EML5: variants seen among roughly 807,000 people sequenced by gnomAD.
The protein encoded by EML5 is echinoderm microtubule-associated protein-like 5.
EML5 carries 120 observed loss-of-function variants against 250.0 expected under a neutral mutation model. That is an observed-to-expected ratio of 0.48 (90% CI 0.41 to 0.56). The LOEUF (loss-of-function observed/expected upper bound fraction) is 0.56, where lower values mean the gene tolerates loss of function less well. EML5 is among the 20% of genes least tolerant of loss of function. The probability of loss-of-function intolerance (pLI) is 0.00; values close to 1 mark genes in which losing one functional copy is unlikely to be tolerated. For missense variants in EML5, 2,006 were observed against 2,437.6 expected (o/e 0.82, Z 3.73); for synonymous variants, 771 against 806.5 (o/e 0.96, Z 0.75).
At chr14:88,629,967 T>C (rs1484172419) in intron 33 of EML5, among the ~76,000 whole-genome samples, 1 of 152,134 alleles carries the variant, frequency 6.6e-6, no homozygotes, top group Non-Finnish European at 1.5e-5. Flanking sequence ...AATCAAAGTT[T>C]TAAAGGATAT....
intron 31 of EML5, among the ~76,000 whole-genome samples, chr14:88,640,982 T>A (rs938203387): frequency 2.2e-4 from 34 of 151,646 alleles, no homozygotes; most frequent in Non-Finnish European, 2.4e-4. Flanking sequence ...TGTGGGCCTC[T>A]AAAAAAAGAA....
At chr14:88,705,100 G>A in intron 12 of EML5, 122 bp from the exon 13 acceptor site, 1 of 649,770 alleles carries the variant, frequency 1.5e-6, no homozygotes, top group Non-Finnish European at 2.5e-6. Context: ...AGTCTTAAAT[G>A]AAAAGTTAAT....
chr14:88,694,605 G>C (rs2093034138), intron 16 of EML5, among the ~76,000 whole-genome samples, 198 bp from the exon 17 acceptor site: 1 of 152,182 alleles, frequency 6.6e-6, no homozygotes, highest in Non-Finnish European at 1.5e-5. Context: ...TCAAGAGACA[G>C]AAATGGTCAA....
At chr14:88,688,724 A>T (rs767145949) in intron 17 of EML5, among the ~76,000 whole-genome samples, 9 of 152,212 alleles carry the variant, frequency 5.9e-5, no homozygotes, top group African/African-American at 2.2e-4. Flanking sequence ...AGCACTTTTG[A>T]TGATGTTTTT....
At chr14:88,710,281 TTC>T (rs944987390) in intron 10 of EML5, among the ~76,000 whole-genome samples, 1 of 152,238 alleles carries the variant, frequency 6.6e-6, no homozygotes, top group African/African-American at 2.4e-5. Context: ...CATATGATCA[TTC>T]TCTCTTTGAG....
At chr14:88,772,366 A>G (rs1008573089) in intron 1 of EML5, among the ~76,000 whole-genome samples, 1 of 152,136 alleles carries the variant, frequency 6.6e-6, no homozygotes, top group Non-Finnish European at 1.5e-5. Context: ...AATAACATAA[A>G]TCTGATCTCA....
At chr14:88,779,789 C>T (rs1030742041) in intron 1 of EML5, among the ~76,000 whole-genome samples, 1 of 152,102 alleles carries the variant, frequency 6.6e-6, no homozygotes, top group Non-Finnish European at 1.5e-5. Flanking sequence ...GGCTTTGTCA[C>T]AGTTTTGTAA....
At chr14:88,694,455 G>A in intron 16 of EML5, 48 bp from the exon 17 acceptor site, 2 of 1,289,480 alleles carry the variant, frequency 1.6e-6, no homozygotes, top group East Asian at 2.5e-5. Context: ...CATCATTCCT[G>A]TATTAATCTC....
chr14:88,723,255 T>A (rs1027906009), intron 8 of EML5, among the ~76,000 whole-genome samples: 15 of 152,224 alleles, frequency 9.9e-5, no homozygotes, highest in African/African-American at 3.1e-4. Context: ...TCTACAAAAA[T>A]TTTAAAAAAT....
chr14:88,709,874 C>G (rs970366999), intron 10 of EML5, among the ~76,000 whole-genome samples: 2 of 152,172 alleles, frequency 1.3e-5, no homozygotes, highest in Admixed American at 1.3e-4. Context: ...ATATGGAAAA[C>G]AGCACTGAAT....
At chr14:88,749,033 G>C (rs1165024537) in intron 2 of EML5, among the ~76,000 whole-genome samples, 1 of 150,842 alleles carries the variant, frequency 6.6e-6, no homozygotes, top group South Asian at 2.1e-4. Flanking sequence ...ATAGTAAAAA[G>C]TTTCCTAAAT....
chr14:88,740,251 T>C, intron 5 of EML5, 136 bp downstream of exon 5: 1 of 583,652 alleles, frequency 1.7e-6, no homozygotes, highest in Non-Finnish European at 2.8e-6. Flanking sequence ...TGAAAACAAA[T>C]AGATAATTCA....
At chr14:88,677,840 T>G (rs1398712838) in intron 21 of EML5, among the ~76,000 whole-genome samples, 1 of 152,222 alleles carries the variant, frequency 6.6e-6, no homozygotes, top group African/African-American at 2.4e-5. Context: ...ACTTTTACTC[T>G]GTTGGTGTGA....
intron 3 of EML5, among the ~76,000 whole-genome samples, chr14:88,745,586 A>G (rs769087551): frequency 7.2e-5 from 11 of 152,154 alleles, no homozygotes; most frequent in Non-Finnish European, 1.2e-4. Flanking sequence ...TTTCACCTTA[A>G]CCATAATACA....
Position 88,792,303 on chromosome 14 carries a change from G to C in EML5, c.197+4C>G. The C allele has an allele frequency of 6.4e-7, 1 of 1,551,832 alleles. No individual in the cohort carries two copies. On this transcript the variant is annotated splice_donor_region_variant and intron_variant, in intron 1 of 43. Transcript: ENST00000554922. This position sits in a 1 kb window ranked among gnomAD's most constrained non-coding sequence, Gnocchi z 6.9. Reference sequence around the variant, plus strand: ...TGACGGCGGCGGCCCCCGCTCCCCGGTACCTGATGATGTCGTCGCTGTGGC... The same window carrying C: ...TGACGGCGGCGGCCCCCGCTCCCCGCTACCTGATGATGTCGTCGCTGTGGC...
At chr14:88,662,476 A>G (rs1312360893) in intron 24 of EML5, among the ~76,000 whole-genome samples, 1 of 145,996 alleles carries the variant, frequency 6.8e-6, no homozygotes, top group African/African-American at 2.5e-5. Flanking sequence ...TCTATTTGCT[A>G]TTTCACGCTT....
rs2092879072 is a variant in EML5, at chr14:88,688,151, G to GC, written c.2742+119dup. 14 of 916,634 alleles carry GC rather than the reference G, an allele frequency of 1.5e-5. No homozygotes were observed. The South Asian group carries it at 2.2e-4, about 14-fold the overall frequency. The allele number at this position is 916,634 out of a possible 1,614,324, so 56.8% of individuals were successfully genotyped here. On this transcript the variant is annotated intron_variant, in intron 18 of 43. Transcript: ENST00000554922. ...ACAAAGAAAGGTCAAGATGACCCTA[G>GC]CCCACAGACTACTGCTGGATAGTCC...
intron 1 of EML5, among the ~76,000 whole-genome samples, chr14:88,756,900 T>C (rs915678661): frequency 2.0e-5 from 3 of 152,200 alleles, no homozygotes; most frequent in African/African-American, 7.2e-5. Context: ...ATGGCAATAC[T>C]TCTCAAATTG....
chr14:88,628,778 G>A (rs2090221498), intron 33 of EML5, among the ~76,000 whole-genome samples: 1 of 151,964 alleles, frequency 6.6e-6, no homozygotes. Flanking sequence ...TCTGCTATTT[G>A]TAATACACAA....
Sources: gnomAD v4.1 joint callset for allele counts (sites outside exome capture counted in the v4.1 genomes callset) on GRCh38, gnomAD v4.1.1 for gene constraint, Gnocchi (gnomAD v3.1) non-coding constraint, MANE v1.5 for transcripts, NCBI Gene and HGNC (gene_info 2026-07-23, HGNC 2026-07-21) for gene names.